The following ANKRD36B variants were observed in gnomAD, a reference collection of about 807,000 sequenced individuals.
The protein encoded by ANKRD36B is ankyrin repeat domain 36B.
In ANKRD36B, 37 loss-of-function variants were observed where a neutral mutation model predicts 135.7. The observed-to-expected ratio is 0.27, with a 90% CI of 0.21 to 0.36. ANKRD36B has a LOEUF of 0.36. ANKRD36B is among the 10% of genes least tolerant of loss of function. The pLI, the probability that ANKRD36B is intolerant of heterozygous loss-of-function variation, is 1.00. For synonymous variants in ANKRD36B, 179 were observed against 348.1 expected, an observed-to-expected ratio of 0.51 and a Z score of 5.41; for missense variants, 549 against 1,037.1, an observed-to-expected ratio of 0.53 and a Z score of 6.46.
At position 97,548,765 on chromosome 2, in the gene ANKRD36B, CAG is replaced by C. The variant is rs575733971; in HGVS notation, c.1477+652_1477+653del. Among the ~76,000 whole-genome samples, 10 of 152,048 alleles carry C rather than the reference CAG, an allele frequency of 6.6e-5. No homozygotes were observed. The South Asian group carries it at 2.1e-3, about 32-fold the overall frequency. ...ATAGTAACAAAGAGGAGTAATGACT[CAG>C]TGTGTTTTTATGCCAATTCTAGGAT... On this transcript the variant is annotated intron_variant, in intron 20 of 43. Transcript: ENST00000359901.
Position 97,547,545 on chromosome 2 carries a change from T to C in ANKRD36B, c.1570A>G (p.Thr524Ala). 6.5e-7 allele frequency: 1 copy of C among 1,542,424 alleles called. No homozygotes were observed. Among genetic ancestry groups the C allele is most frequent in the Non-Finnish European group, 8.9e-7 (1 of 1,128,424 alleles). The change falls in exon 22 of 44, where the codon ACT (threonine) becomes GCT (alanine). Residue 524 changes from threonine to alanine, a missense_variant. Transcript: ENST00000359901. Reference protein sequence around the residue: ...IARGKKDGEKTRRVSSHKQPS... With the variant: ...IARGKKDGEKARRVSSHKQPS... ...CTCTTTTCAAAATTACCTCTCCTAG[T>C]TTTTTCTCCATCTTTTTTTCCTCTG...
intron 24 of ANKRD36B, among the ~76,000 whole-genome samples, chr2:97,544,254 G>T (rs2079296246): frequency 1.3e-5 from 1 of 76,162 alleles, no homozygotes; most frequent in African/African-American, 3.9e-5. Flanking sequence ...TATCAATGTG[G>T]ATATGCCAAG....
rs1401667101 is a variant in ANKRD36B, at chr2:97,532,159, T to C, written c.2265+152A>G. On this transcript the variant is annotated intron_variant, in intron 35 of 43. Transcript: ENST00000359901. ...ATAGATTCCAACACTATTTTAAGTT[T>C]TATAACTAAATGTTTTTAAAATGAA... 3.1e-5 allele frequency among the ~76,000 whole-genome samples: 3 copies of C among 97,590 alleles called. No homozygotes were observed. In the East Asian group the frequency reaches 6.8e-4, roughly 22 times the overall value. 64.0% of individuals were successfully genotyped at this position (97,590 alleles called of 152,430 possible).
intron 43 of ANKRD36B, among the ~76,000 whole-genome samples, chr2:97,494,471 C>T (rs796387161): frequency 1.2e-4 from 13 of 106,948 alleles, no homozygotes; most frequent in African/African-American, 1.6e-4. Flanking sequence ...AACCACCTTT[C>T]GTGTAATGCA....
At chr2:97,586,034 G>A (rs949606658) in intron 1 of ANKRD36B, among the ~76,000 whole-genome samples, 2 of 151,844 alleles carry the variant, frequency 1.3e-5, no homozygotes, top group Admixed American at 6.6e-5. Flanking sequence ...TTATCTTATC[G>A]ATATATAAAG....
intron 12 of ANKRD36B, among the ~76,000 whole-genome samples, chr2:97,555,576 T>TGA (rs1230358734): frequency 1.3e-5 from 2 of 151,926 alleles, no homozygotes; most frequent in Non-Finnish European, 1.5e-5. Flanking sequence ...CTCATACACC[T>TGA]GAGAATCAAT....
chr2:97,551,588 T>C, intron 16 of ANKRD36B, 108 bp from the exon 17 acceptor site: 1 of 1,537,196 alleles, frequency 6.5e-7, no homozygotes, highest in Non-Finnish European at 8.9e-7. Flanking sequence ...TGTATTAGCG[T>C]AGGTTTTGAT....
chr2:97,564,725 G>T (rs2081305521), intron 6 of ANKRD36B, among the ~76,000 whole-genome samples: 1 of 152,034 alleles, frequency 6.6e-6, no homozygotes, highest in South Asian at 2.1e-4. Context: ...CTGTTCCATT[G>T]GTCTATATAT....
At chr2:97,525,050 A>C (rs1391822464) in intron 35 of ANKRD36B, 1 of 97,720 alleles carries the variant, frequency 1.0e-5, no homozygotes, top group East Asian at 2.3e-4. Context: ...TAAAATAATT[A>C]AAGTTTAATA....
intron 20 of ANKRD36B, among the ~76,000 whole-genome samples, 160 bp from the exon 21 acceptor site, chr2:97,547,891 A>G (rs1233602680): frequency 2.6e-5 from 4 of 151,936 alleles, no homozygotes; most frequent in African/African-American, 9.6e-5. Flanking sequence ...TGACAGAAAT[A>G]CGCTGAGAAA....
intron 20 of ANKRD36B, 43 bp downstream of exon 20, chr2:97,549,376 C>G: frequency 6.5e-7 from 1 of 1,527,086 alleles, no homozygotes; most frequent in Non-Finnish European, 8.8e-7. Context: ...AACTTCTTAT[C>G]TATCTGGACT....
chr2:97,566,194 G>A (rs1012278323), intron 6 of ANKRD36B, among the ~76,000 whole-genome samples: 8 of 151,870 alleles, frequency 5.3e-5, no homozygotes, highest in East Asian at 3.9e-4. Flanking sequence ...GGTGGCACAC[G>A]TATGTAATCC....
chr2:97,549,702 T>C, intron 18 of ANKRD36B, 88 bp from the exon 19 acceptor site: 1 of 1,589,296 alleles, frequency 6.3e-7, no homozygotes, highest in Middle Eastern at 2.3e-4. Context: ...TCAAACTCTG[T>C]CCTCCTGCCT....
intron 6 of ANKRD36B, among the ~76,000 whole-genome samples, chr2:97,570,245 C>T (rs1436709600): frequency 6.6e-6 from 1 of 152,074 alleles, no homozygotes; most frequent in African/African-American, 2.4e-5. Flanking sequence ...TGTTATATTA[C>T]CATGTTATTC....
rs1284177625 is a variant in ANKRD36B, at chr2:97,536,458, G to A, written c.2118+10C>T. On this transcript the variant is annotated intron_variant, in intron 33 of 43. Coordinates refer to ENST00000359901, the MANE Select transcript of ANKRD36B (RefSeq NM_001393939.1). ...TTAATAATTAAAAATATAAATGTAA[G>A]AGTAATTACCTTCAAGGTGCGCAGA... 1 of 896,510 alleles carries A rather than the reference G, an allele frequency of 1.1e-6. No individual in the cohort carries two copies. Among genetic ancestry groups the A allele is most frequent in the Admixed American group, 2.4e-5 (1 of 41,872 alleles). 55.5% of individuals were successfully genotyped at this position (896,510 alleles called of 1,614,324 possible). A position where few individuals can be genotyped will look rare whatever the true frequency, so the allele number is the denominator to read the frequency against.
rs1314457256 is a variant in ANKRD36B at position 97,529,029 on chromosome 2, G to T, written c.2265+3282C>A. On this transcript the variant is annotated intron_variant, in intron 35 of 43. Coordinates refer to ENST00000359901, the MANE Select transcript of ANKRD36B (RefSeq NM_001393939.1). The stretch of plus-strand genomic sequence containing the variant: ...AAACTATTCCAATCAATAGAAAAGA[G>T]GGAATCCTCCCTAACTCATTTTATG... 1.0e-4 allele frequency among the ~76,000 whole-genome samples: 10 copies of T among 96,588 alleles called. 3 individuals are homozygous for T. Among genetic ancestry groups the T allele is most frequent in the African/African-American group, 3.1e-4 (10 of 32,070 alleles). The allele number at this position is 96,588 out of a possible 152,430, so 63.4% of individuals were successfully genotyped here.
At chr2:97,554,986 C>T in intron 14 of ANKRD36B, 74 bp downstream of exon 14, 8 of 1,535,486 alleles carry the variant, frequency 5.2e-6, no homozygotes, top group Non-Finnish European at 7.1e-6. Context: ...AGCCCCCCCA[C>T]TGATTTATTT....
At chr2:97,555,450 C>T (rs554919643) in intron 12 of ANKRD36B, among the ~76,000 whole-genome samples, 196 bp from the exon 13 acceptor site, 1 of 151,830 alleles carries the variant, frequency 6.6e-6, no homozygotes, top group African/African-American at 2.4e-5. Flanking sequence ...CAAACCCTTA[C>T]AATGTCAATC....
chr2:97,514,116 T>C (rs2077691403), intron 37 of ANKRD36B, among the ~76,000 whole-genome samples: 2 of 137,650 alleles, frequency 1.5e-5, no homozygotes, highest in South Asian at 4.2e-4. Flanking sequence ...ATAAATGTCT[T>C]CAAATATCTT....
Sources: allele counts gnomAD v4.1 joint callset (sites outside exome capture counted in the v4.1 genomes callset), GRCh38; gene constraint gnomAD v4.1.1; transcripts MANE v1.5; gene names NCBI Gene and HGNC (gene_info 2026-07-23, HGNC 2026-07-21).